Variants in WDFY3 observed in about 807,000 individuals in gnomAD.
WDFY3 encodes WD repeat and FYVE domain containing 3.
A neutral mutation model predicts 409.6 loss-of-function variants in WDFY3; 66 were observed. The ratio of observed to expected loss-of-function variants is 0.16; its 90% CI spans 0.13 to 0.20. WDFY3 has a LOEUF of 0.20. WDFY3 is among the 10% of genes least tolerant of loss of function. The pLI, the probability that WDFY3 is intolerant of heterozygous loss-of-function variation, is 1.00. For synonymous variants in WDFY3, 1,521 were observed against 1,537.1 expected (o/e 0.99, Z 0.25); for missense variants, 3,031 against 4,298.1 (o/e 0.71, Z 8.24).
intron 8 of WDFY3, among the ~76,000 whole-genome samples, chr4:84,830,148 T>C (rs1755489425): frequency 6.6e-6 from 1 of 152,188 alleles, no homozygotes; most frequent in East Asian, 1.9e-4. Context: ...ACTTAATAAA[T>C]GTAAGTGAAC....
At chr4:84,919,453 T>A (rs957021026) in intron 2 of WDFY3, among the ~76,000 whole-genome samples, 1 of 142,392 alleles carries the variant, frequency 7.0e-6, no homozygotes, top group African/African-American at 2.5e-5. Context: ...TCCCTCCCAG[T>A]AGACCCTTTA....
intron 7 of WDFY3, among the ~76,000 whole-genome samples, chr4:84,834,554 G>A (rs1374073203): frequency 5.3e-5 from 8 of 152,132 alleles, no homozygotes; most frequent in Admixed American, 5.2e-4. Flanking sequence ...GGGTGGCTGA[G>A]GCACAAAAAT....
chr4:84,766,729 T>A (rs1438205968), intron 30 of WDFY3, among the ~76,000 whole-genome samples: 1 of 152,220 alleles, frequency 6.6e-6, no homozygotes, highest in African/African-American at 2.4e-5. Context: ...TAATTCTTAG[T>A]TTCTTTTTTG....
chr4:84,870,286 C>T (rs1761967613), intron 3 of WDFY3, among the ~76,000 whole-genome samples: 1 of 152,150 alleles, frequency 6.6e-6, no homozygotes, highest in Admixed American at 6.5e-5. Context: ...ACCACTGGAT[C>T]AACTCTAACT....
chr4:84,822,443 C>T lies in WDFY3; in HGVS notation c.1124-892G>A, dbSNP rs79818222. ...CAGGGCTGGGGGCAGTAGCTCACACCGGTAGTCCTAGCACTTTGGGAAGAC... is the reference window on the plus strand; with the variant it reads ...CAGGGCTGGGGGCAGTAGCTCACACTGGTAGTCCTAGCACTTTGGGAAGAC... On this transcript the variant is annotated intron_variant, in intron 10 of 67. Transcript: ENST00000295888. 1.3e-4 allele frequency among the ~76,000 whole-genome samples: 20 copies of T among 152,154 alleles called. No homozygotes were observed. In the East Asian group the frequency reaches 1.9e-3, roughly 15 times the overall value.
At chr4:84,863,862 T>C (rs1181369071) in intron 3 of WDFY3, among the ~76,000 whole-genome samples, 1 of 152,160 alleles carries the variant, frequency 6.6e-6, no homozygotes, top group African/African-American at 2.4e-5. Context: ...AATGCATGGA[T>C]TTATTTCTGG....
Position 84,870,031 on chromosome 4 carries a change from A to G in WDFY3, c.-31-9409T>C, listed in dbSNP as rs539941806. On this transcript the variant is annotated intron_variant, in intron 3 of 67. Transcript: ENST00000295888. ...TCCTGTAGAAATATTCACACAGATC[A>G]CAAAGATGTCATACAATGTGAATTA... Among the ~76,000 whole-genome samples, 93 of 152,342 alleles carry G rather than the reference A, an allele frequency of 6.1e-4. No homozygotes were observed. In the South Asian group the frequency reaches 0.018, roughly 30 times the overall value.
chr4:84,716,707 G>A (rs993927549), intron 49 of WDFY3, among the ~76,000 whole-genome samples, 189 bp downstream of exon 49: 8 of 151,752 alleles, frequency 5.3e-5, no homozygotes, highest in African/African-American at 1.9e-4. Flanking sequence ...GCTAAGGCAG[G>A]AGAATGGTGT....
intron 2 of WDFY3, among the ~76,000 whole-genome samples, chr4:84,904,916 AT>A (rs1766827883): frequency 6.6e-6 from 1 of 152,226 alleles, no homozygotes; most frequent in African/African-American, 2.4e-5. Flanking sequence ...AGGCAGGCGG[AT>A]CACTTGAGGT....
chr4:84,838,776 T>C, intron 6 of WDFY3, among the ~76,000 whole-genome samples: 1 of 152,220 alleles, frequency 6.6e-6, no homozygotes, highest in East Asian at 1.9e-4. Context: ...ATCTGCTATG[T>C]CTCAAAGTTT....
chr4:84,717,361 C>T (rs1269401766), intron 48 of WDFY3, among the ~76,000 whole-genome samples: 1 of 152,068 alleles, frequency 6.6e-6, no homozygotes, highest in East Asian at 1.9e-4. Context: ...GGTAGAAAAA[C>T]ACATTTTAAT....
chr4:84,722,357 A>C lies in WDFY3; in HGVS notation c.7442-785T>G, dbSNP rs368569691. On this transcript the variant is annotated intron_variant, in intron 46 of 67. Transcript: ENST00000295888. ...AGCTGAGATCACGCCACTGCACTCC[A>C]GCCTGGGTGACACAGCAAGACTCTG... 3.9e-5 allele frequency among the ~76,000 whole-genome samples: 6 copies of C among 152,300 alleles called. No individual in the cohort carries two copies. In the South Asian group the frequency reaches 6.2e-4, roughly 16 times the overall value.
chr4:84,942,049 C>T (rs766619235), intron 1 of WDFY3, among the ~76,000 whole-genome samples: 8 of 152,044 alleles, frequency 5.3e-5, no homozygotes, highest in Non-Finnish European at 1.0e-4. Context: ...AAATTTAACT[C>T]AAACCAAATC....
intron 2 of WDFY3, among the ~76,000 whole-genome samples, chr4:84,917,460 G>A (rs970855305): frequency 3.9e-5 from 6 of 152,012 alleles, no homozygotes; most frequent in African/African-American, 1.4e-4. Context: ...CATATTTTAT[G>A]GATATCTGAA....
At chr4:84,943,645 G>A (rs1490783709) in intron 1 of WDFY3, among the ~76,000 whole-genome samples, 2 of 152,106 alleles carry the variant, frequency 1.3e-5, no homozygotes, top group Admixed American at 6.5e-5. Flanking sequence ...TACACAGGAG[G>A]TCACTTCCCC....
In WDFY3 at chr4:84,671,464, A is replaced by G. The variant is rs1045396439; in HGVS notation, c.*1404T>C. ...TAAGTTTCTGAAAATGTTAAAATCTAGATTAATTGTTTCATTTTTAATATA... is the reference window on the plus strand; with the variant it reads ...TAAGTTTCTGAAAATGTTAAAATCTGGATTAATTGTTTCATTTTTAATATA... On this transcript the variant is annotated 3_prime_UTR_variant, in exon 68 of 68. Transcript: ENST00000295888. 1 of 150,798 alleles carries G rather than the reference A, an allele frequency of 6.6e-6. No homozygotes were observed. Among genetic ancestry groups the G allele is most frequent in the African/African-American group, 2.4e-5 (1 of 41,132 alleles). 9.3% of individuals were successfully genotyped at this position (150,798 alleles called of 1,614,324 possible).
rs150171776 is a variant in WDFY3, at chr4:84,831,519, G to A, written c.663C>T (p.Thr221=). The A allele has an allele frequency of 1.9e-6, 3 of 1,613,968 alleles. No individual in the cohort carries two copies. In the African/African-American group the frequency reaches 4.0e-5, roughly 22 times the overall value. ...DDLQLLFSAI[T]SWCPPYNLPW... is the part of the protein sequence containing the mutation. Reference sequence around the variant, plus strand: ...GCAGGTTATAGGGAGGGCACCAAGAGGTTATTGCACTGAATAGAAGCTGGA... The same window carrying A: ...GCAGGTTATAGGGAGGGCACCAAGAAGTTATTGCACTGAATAGAAGCTGGA... The change falls in exon 8 of 68, where the codon ACC becomes ACT. Residue 221 remains threonine (T), a synonymous_variant. Coordinates refer to ENST00000295888, the MANE Select transcript of WDFY3 (RefSeq NM_014991.6).
intron 21 of WDFY3, among the ~76,000 whole-genome samples, chr4:84,793,260 A>C (rs571178193): frequency 6.6e-6 from 1 of 151,956 alleles, no homozygotes; most frequent in African/African-American, 2.4e-5. Flanking sequence ...GTAACCTCAA[A>C]CTCATGGGCT....
chr4:84,769,096 C>A (rs1362942940), intron 30 of WDFY3, among the ~76,000 whole-genome samples: 1 of 152,196 alleles, frequency 6.6e-6, no homozygotes, highest in Non-Finnish European at 1.5e-5. Context: ...GACTGAATTA[C>A]TGCAATCTCA....
Sources: gnomAD v4.1 joint callset for allele counts (sites outside exome capture counted in the v4.1 genomes callset) on GRCh38, gnomAD v4.1.1 for gene constraint, MANE v1.5 for transcripts, NCBI Gene and HGNC (gene_info 2026-07-23, HGNC 2026-07-21) for gene names.